Variants in NR5A2 observed in about 807,000 individuals in gnomAD.
NR5A2 encodes nuclear receptor subfamily 5 group A member 2, also known as CYP7A promoter-binding factor.
In NR5A2, 26 loss-of-function variants were observed where a neutral mutation model predicts 62.7. That is an observed-to-expected ratio of 0.41 (90% CI 0.30 to 0.58). The LOEUF is 0.58. Ranked by LOEUF, NR5A2 falls within the 20% of genes least tolerant of loss-of-function variation. The pLI is 0.22. For synonymous variants in NR5A2, 246 were observed against 241.7 expected (o/e 1.02, Z -0.16); for missense variants, 541 against 669.1 (o/e 0.81, Z 2.11).
intron 5 of NR5A2, among the ~76,000 whole-genome samples, chr1:200,062,179 A>G (rs1262410049): frequency 6.6e-6 from 1 of 151,676 alleles, no homozygotes; most frequent in East Asian, 1.9e-4. Flanking sequence ...AAAAACAATT[A>G]TCTGCATGCA....
At chr1:200,158,111 C>T (rs749739678) in intron 7 of NR5A2, among the ~76,000 whole-genome samples, 87 of 152,194 alleles carry the variant, frequency 5.7e-4, no homozygotes, top group Admixed American at 1.1e-3. Flanking sequence ...GACATTTCAA[C>T]TTGGCAACAA....
Position 200,039,879 on chromosome 1 carries a change from C to T in NR5A2, c.202+84C>T. The stretch of plus-strand genomic sequence containing the variant: ...CTGCAGGCTTCAGCCTCCCGCCCCG[C>T]GCGGGCGCGGGAGTAGCCCCGCTGG... On this transcript the variant is annotated intron_variant, in intron 2 of 7. Transcript: ENST00000367362. This position sits in a 1 kb window ranked among gnomAD's most constrained non-coding sequence, Gnocchi z 5.1. 1 of 1,449,542 alleles carries T rather than the reference C, an allele frequency of 6.9e-7. No homozygotes were observed. The highest frequency in any genetic ancestry group is 3.2e-5 in the Admixed American group (1 of 30,812). The allele number at this position is 1,449,542 out of a possible 1,614,324, so 89.8% of individuals were successfully genotyped here.
chr1:200,131,128 G>A (rs554467257), intron 7 of NR5A2, among the ~76,000 whole-genome samples: 1 of 152,314 alleles, frequency 6.6e-6, no homozygotes, highest in South Asian at 2.1e-4. Context: ...TAGCATTCAA[G>A]AGATGCCACT....
chr1:200,112,194 A>G (rs1329124342), intron 6 of NR5A2, among the ~76,000 whole-genome samples: 2 of 152,188 alleles, frequency 1.3e-5, no homozygotes, highest in Non-Finnish European at 2.9e-5. Flanking sequence ...GTTTGGCTTT[A>G]TTGGAAATGT....
intron 5 of NR5A2, chr1:200,057,562 T>A: frequency 2.9e-6 from 1 of 344,294 alleles, no homozygotes; most frequent in South Asian, 2.2e-5. Context: ...CATGGCAACC[T>A]CCACCTCCTG....
intron 5 of NR5A2, among the ~76,000 whole-genome samples, chr1:200,103,958 T>A (rs141864746): frequency 6.6e-6 from 1 of 151,598 alleles, no homozygotes; most frequent in Admixed American, 6.6e-5. Context: ...CTATTGGGCG[T>A]GACGTACATG....
intron 7 of NR5A2, among the ~76,000 whole-genome samples, chr1:200,163,522 C>G (rs1468686490): frequency 2.7e-5 from 4 of 150,186 alleles, no homozygotes; most frequent in Non-Finnish European, 5.9e-5. Flanking sequence ...CACTCTGTTT[C>G]CCAGGCTGGA....
Position 200,039,820 on chromosome 1 carries a change from CGGCTCCCGCTGCTTCCCCACCCCCG to C in NR5A2, c.202+31_202+55del, listed in dbSNP as rs1317425661. ...GGTAAGGAGGCGCCGCGCGGCGCTC[CGGCTCCCGCTGCTTCCCCACCCCCG>C]GGCTCGCCCTGCAGGCTTCAGCCTC... On this transcript the variant is annotated intron_variant, in intron 2 of 7. Coordinates refer to ENST00000367362, the MANE Select transcript of NR5A2 (RefSeq NM_205860.3). The surrounding 1 kb of genome is among the most constrained non-coding windows in gnomAD (Gnocchi z 5.1). 6 of 1,585,224 alleles carry C rather than the reference CGGCTCCCGCTGCTTCCCCACCCCCG, an allele frequency of 3.8e-6. No homozygotes were observed. Among genetic ancestry groups the C allele is most frequent in the Non-Finnish European group, 3.4e-6 (4 of 1,168,556 alleles).
chr1:200,158,506 A>T (rs1653486523), intron 7 of NR5A2, among the ~76,000 whole-genome samples: 1 of 152,226 alleles, frequency 6.6e-6, no homozygotes, highest in African/African-American at 2.4e-5. Flanking sequence ...TGATACATTA[A>T]TAATACTCTT....
intron 7 of NR5A2, among the ~76,000 whole-genome samples, chr1:200,139,084 A>G (rs186623198): frequency 2.6e-5 from 4 of 152,302 alleles, no homozygotes; most frequent in African/African-American, 4.8e-5. Flanking sequence ...ATGTCCTTCA[A>G]TAAAGTCATA....
At chr1:200,154,542 GA>G (rs1487660800) in intron 7 of NR5A2, among the ~76,000 whole-genome samples, 1 of 152,148 alleles carries the variant, frequency 6.6e-6, no homozygotes, top group African/African-American at 2.4e-5. Flanking sequence ...CTTGCAAGTA[GA>G]TAAACTGGTC....
Position 200,177,130 on chromosome 1 carries a change from A to G in NR5A2, c.*2920A>G, listed in dbSNP as rs1402208377. The G allele has an allele frequency of 6.6e-6, 1 of 152,566 alleles. No homozygotes were observed. The highest frequency in any genetic ancestry group is 1.5e-5 in the Non-Finnish European group (1 of 68,042). 9.5% of individuals were successfully genotyped at this position (152,566 alleles called of 1,614,324 possible). A position where few individuals can be genotyped will look rare whatever the true frequency, so the allele number is the denominator to read the frequency against. ...ATCAATTACAGGATTTGCCGGTAAA[A>G]GCAGACTCAAATATAAAGGTTTTTG... On this transcript the variant is annotated 3_prime_UTR_variant, in exon 8 of 8. Coordinates refer to ENST00000367362, the MANE Select transcript of NR5A2 (RefSeq NM_205860.3).
rs146891765 is a variant in NR5A2 at position 200,094,973 on chromosome 1, G to T, written c.1111-16229G>T. ...GATAGAAAAGAACATAAAGGAATAT[G>T]TTAAACATAACAAGAAGACTGGACA... is the stretch of plus-strand genomic sequence containing the variant. On this transcript the variant is annotated intron_variant, in intron 5 of 7. Coordinates refer to ENST00000367362, the MANE Select transcript of NR5A2 (RefSeq NM_205860.3). 1.4e-4 allele frequency among the ~76,000 whole-genome samples: 21 copies of T among 152,190 alleles called. 1 individual carries two copies. The East Asian group carries it at 3.9e-3, about 28-fold the overall frequency.
rs34611924 is a variant in NR5A2, at chr1:200,053,569, GCACACA to G, written c.1110+4784_1110+4789del. Among the ~76,000 whole-genome samples, 582 of 142,098 alleles carry G rather than the reference GCACACA, an allele frequency of 4.1e-3. 2 individuals carry two copies. Among genetic ancestry groups the G allele is most frequent in the African/African-American group, 0.011 (422 of 37,674 alleles). 93.2% of individuals were successfully genotyped at this position (142,098 alleles called of 152,430 possible). A position where few individuals can be genotyped will look rare whatever the true frequency, so the allele number is the denominator to read the frequency against. On this transcript the variant is annotated intron_variant, in intron 5 of 7. Coordinates refer to ENST00000367362, the MANE Select transcript of NR5A2 (RefSeq NM_205860.3). ...CCCTCATCCCCCCCAGCATGCACAC[GCACACA>G]CACACACACACACACACACACACAC...
intron 7 of NR5A2, among the ~76,000 whole-genome samples, chr1:200,153,659 T>A (rs185311447): frequency 3.2e-4 from 49 of 152,170 alleles, no homozygotes; most frequent in African/African-American, 1.1e-3. Context: ...ATACATTTTT[T>A]AAAACAGGTA....
chr1:200,107,833 G>C (rs946859596), intron 5 of NR5A2, among the ~76,000 whole-genome samples: 3 of 152,040 alleles, frequency 2.0e-5, no homozygotes, highest in African/African-American at 7.3e-5. Context: ...GTTTCACCAT[G>C]TTGGCCAGAC....
In NR5A2 at chr1:200,039,715, T is replaced by C. The variant is rs776607104; in HGVS notation, c.122T>C (p.Met41Thr). 1.2e-6 allele frequency: 2 copies of C among 1,611,972 alleles called. No individual in the cohort carries two copies. The highest frequency in any genetic ancestry group is 4.5e-5 in the East Asian group (2 of 44,596). ...SPIPARGRLV[M>T]LPKVETEALG... ...ATCCCCGCCCGCGGTCGCCTTGTCA[T>C]GCTGCCCAAAGTGGAGACGGAAGCC... Residue 41 changes from methionine (M) to threonine (T), a missense_variant, in exon 2 of 8, where the codon ATG (methionine) becomes ACG (threonine). Physicochemically the swap from Met to Thr is moderately conservative, Grantham distance 81. Transcript: ENST00000367362. This position sits in a 1 kb window ranked among gnomAD's most constrained non-coding sequence, Gnocchi z 5.1.
rs1661962633 is a variant in NR5A2 at position 200,039,670 on chromosome 1, C to T, written c.77C>T (p.Pro26Leu). 1 of 1,611,654 alleles carries T rather than the reference C, an allele frequency of 6.2e-7. No homozygotes were observed. The highest frequency in any genetic ancestry group is 8.5e-7 in the Non-Finnish European group (1 of 1,179,024). Residue 26 changes from proline to leucine, a missense_variant, in exon 2 of 8, where the codon CCG (proline) becomes CTG (leucine). Coordinates refer to ENST00000367362, the MANE Select transcript of NR5A2 (RefSeq NM_205860.3). This position sits in a 1 kb window ranked among gnomAD's most constrained non-coding sequence, Gnocchi z 5.1. ...TGCCCGTGTCCAGGTGCTGGGCTTC[C>T]GGACCGACACGGATCCCCCATCCCC... Reference protein sequence around the residue: ...HGLTPIGAGLPDRHGSPIPAR... With the variant: ...HGLTPIGAGLLDRHGSPIPAR...
chr1:200,036,739 C>T (rs1455887891), intron 1 of NR5A2, among the ~76,000 whole-genome samples: 1 of 152,082 alleles, frequency 6.6e-6, no homozygotes, highest in Non-Finnish European at 1.5e-5. Context: ...CCTGGAGCGC[C>T]GAGGGCTTAG....
Sources: gnomAD v4.1 joint callset for allele counts (sites outside exome capture counted in the v4.1 genomes callset) on GRCh38, gnomAD v4.1.1 for gene constraint, Gnocchi (gnomAD v3.1) non-coding constraint, MANE v1.5 for transcripts, NCBI Gene and HGNC (gene_info 2026-07-23, HGNC 2026-07-21) for gene names.